HYCC1: variants seen among roughly 807,000 people sequenced by gnomAD.
HYCC1 encodes hyccin.
chr7:23,000,010 A>T, the HYCC1 span, among the ~76,000 whole-genome samples: 1 of 152,142 alleles, frequency 6.6e-6, no homozygotes, highest in Non-Finnish European at 1.5e-5. Flanking sequence ...GATTATAAAA[A>T]TTCCACCAAG....
chr7:22,993,202 C>G, the HYCC1 span, among the ~76,000 whole-genome samples: 1 of 152,102 alleles, frequency 6.6e-6, no homozygotes, highest in African/African-American at 2.4e-5. Context: ...ACAAAAAGAA[C>G]CATGACCCTA....
the HYCC1 span, among the ~76,000 whole-genome samples, chr7:22,916,028 G>C: frequency 6.6e-6 from 1 of 151,924 alleles, no homozygotes; most frequent in Non-Finnish European, 1.5e-5. Flanking sequence ...CTCCTTCCCT[G>C]GTGACCAATC....
chr7:22,975,167 T>C, the HYCC1 span, among the ~76,000 whole-genome samples: 4 of 151,832 alleles, frequency 2.6e-5, no homozygotes, highest in African/African-American at 9.7e-5. Flanking sequence ...ATATCTCTTA[T>C]TTACTTGAAT....
chr7:22,969,791 T>C, the HYCC1 span, among the ~76,000 whole-genome samples: 1 of 152,198 alleles, frequency 6.6e-6, no homozygotes, highest in African/African-American at 2.4e-5. Context: ...CCCAAAGTTC[T>C]AGGATTACAG....
chr7:22,960,966 G>A, the HYCC1 span, among the ~76,000 whole-genome samples: 2 of 152,334 alleles, frequency 1.3e-5, no homozygotes, highest in South Asian at 2.1e-4. Context: ...CAGGAAAATC[G>A]CTTGAACCCA....
the HYCC1 span, among the ~76,000 whole-genome samples, chr7:22,948,762 A>G: frequency 0.33 from 49,508 of 151,826 alleles, 9,298 homozygotes; most frequent in Non-Finnish European, 0.42. Context: ...GGTTCTCTAA[A>G]TGAAGTTTTT....
At chr7:22,998,259 A>G in the HYCC1 span, among the ~76,000 whole-genome samples, 1 of 152,170 alleles carries the variant, frequency 6.6e-6, no homozygotes, top group African/African-American at 2.4e-5. Flanking sequence ...GCCAACAGTT[A>G]CTGCTCTTGG....
At chr7:22,943,858 T>G in the HYCC1 span, 1 of 152,630 alleles carries the variant, frequency 6.6e-6, no homozygotes, top group African/African-American at 2.4e-5. Flanking sequence ...GCAATAGATC[T>G]TATTCCATTC....
At chr7:22,946,268 C>A in the HYCC1 span, 2 of 874,638 alleles carry the variant, frequency 2.3e-6, no homozygotes, top group Non-Finnish European at 3.5e-6. Flanking sequence ...TAAGCTTTAG[C>A]ATAATTTATA....
the HYCC1 span, among the ~76,000 whole-genome samples, chr7:22,919,365 C>G: frequency 6.6e-6 from 1 of 152,146 alleles, no homozygotes; most frequent in Non-Finnish European, 1.5e-5. Flanking sequence ...CCCATCTCTA[C>G]TAAAAACACA....
the HYCC1 span, among the ~76,000 whole-genome samples, chr7:22,975,970 T>A: frequency 1.3e-5 from 2 of 152,194 alleles, no homozygotes; most frequent in Non-Finnish European, 2.9e-5. Flanking sequence ...TACTCCCACC[T>A]CAGGTTCTCA....
chr7:23,008,218 G>A, the HYCC1 span, among the ~76,000 whole-genome samples: 2 of 151,982 alleles, frequency 1.3e-5, no homozygotes, highest in Admixed American at 1.3e-4. Flanking sequence ...AACAGTATAC[G>A]AGAATTAGCC....
chr7:22,920,986 C>T, the HYCC1 span, among the ~76,000 whole-genome samples: 1 of 152,182 alleles, frequency 6.6e-6, no homozygotes, highest in African/African-American at 2.4e-5. Context: ...GAAGCACTAG[C>T]TCCCTGTTTC....
the HYCC1 span, among the ~76,000 whole-genome samples, chr7:22,915,307 T>A: frequency 6.6e-6 from 1 of 152,112 alleles, no homozygotes; most frequent in Non-Finnish European, 1.5e-5. Flanking sequence ...CCCAGACACA[T>A]CTCCAGCACA....
At chr7:22,956,305 G>A in the HYCC1 span, among the ~76,000 whole-genome samples, 1 of 151,740 alleles carries the variant, frequency 6.6e-6, no homozygotes, top group Non-Finnish European at 1.5e-5. Flanking sequence ...TTTTAATTCT[G>A]AAATTATGTT....
the HYCC1 span, chr7:22,945,541 G>A: frequency 1.4e-6 from 2 of 1,393,844 alleles, no homozygotes; most frequent in Admixed American, 3.4e-5. Flanking sequence ...AAGAAGCAAA[G>A]TTGTATTTCC....
chr7:22,998,691 C>G, the HYCC1 span, among the ~76,000 whole-genome samples: 3 of 152,030 alleles, frequency 2.0e-5, no homozygotes, highest in Non-Finnish European at 2.9e-5. Context: ...GAGTCTGGGC[C>G]CTTATTTCCT....
At chr7:22,945,735 C>A in the HYCC1 span, 2 of 1,613,678 alleles carry the variant, frequency 1.2e-6, no homozygotes, top group Admixed American at 1.7e-5. Context: ...TCTGTCCCAG[C>A]CCCACAACCA....
chr7:22,996,129 C>T, the HYCC1 span, among the ~76,000 whole-genome samples: 1 of 151,704 alleles, frequency 6.6e-6, no homozygotes, highest in African/African-American at 2.4e-5. Context: ...CCCCTCTGTA[C>T]TAAAAATACA....
Sources: gnomAD v4.1 joint callset for allele counts (sites outside exome capture counted in the v4.1 genomes callset) on GRCh38, gnomAD v4.1.1 for gene constraint, MANE v1.5 for transcripts, NCBI Gene and HGNC (gene_info 2026-07-23, HGNC 2026-07-21) for gene names.